LINC00305: variants seen among roughly 807,000 people sequenced by gnomAD.
LINC00305 encodes long intergenic non-protein coding RNA 305.
intron 1 of LINC00305, among the ~76,000 whole-genome samples, chr18:64,137,156 A>T (rs1228844947): frequency 1.3e-5 from 2 of 152,146 alleles, no homozygotes; most frequent in Non-Finnish European, 2.9e-5. Flanking sequence ...ACACAACAAG[A>T]GCACCATGTG....
intron 3 of LINC00305, among the ~76,000 whole-genome samples, chr18:64,082,744 T>C (rs1720128848): frequency 1.3e-5 from 2 of 152,250 alleles, no homozygotes; most frequent in South Asian, 4.1e-4. Context: ...TTTTTTAGTT[T>C]CTCAACACAG....
intron 3 of LINC00305, among the ~76,000 whole-genome samples, chr18:64,081,709 A>T (rs558059664): frequency 6.6e-6 from 1 of 152,344 alleles, no homozygotes; most frequent in East Asian, 1.9e-4. Context: ...TAAGTACTTA[A>T]GAAGTTCAAT....
At chr18:64,118,816 C>T (rs1460966) in intron 1 of LINC00305, among the ~76,000 whole-genome samples, 24,749 of 141,500 alleles carry the variant, frequency 0.17, 2,122 homozygotes, top group African/African-American at 0.22. Flanking sequence ...GATCAAGACC[C>T]TGGGGGTCTG....
intron 1 of LINC00305, among the ~76,000 whole-genome samples, chr18:64,109,827 T>TA (rs954787805): frequency 6.6e-6 from 1 of 152,342 alleles, no homozygotes; most frequent in Admixed American, 6.5e-5. Context: ...ACCTTCAGGC[T>TA]AAAGCACTCA....
At chr18:64,080,895 A>G (rs1252205878) in intron 3 of LINC00305, among the ~76,000 whole-genome samples, 1 of 152,170 alleles carries the variant, frequency 6.6e-6, no homozygotes, top group African/African-American at 2.4e-5. Context: ...TGTCATAACC[A>G]TGAATTATTA....
At chr18:64,090,200 TG>T (rs1161489769) in intron 3 of LINC00305, among the ~76,000 whole-genome samples, 2 of 152,214 alleles carry the variant, frequency 1.3e-5, no homozygotes, top group African/African-American at 4.8e-5. Context: ...AAGCATTAAG[TG>T]AGCTTTTTAG....
chr18:64,136,479 G>A (rs527766408), intron 1 of LINC00305, among the ~76,000 whole-genome samples: 37 of 152,224 alleles, frequency 2.4e-4, no homozygotes, highest in Non-Finnish European at 4.7e-4. Context: ...CCCCTTATAA[G>A]ACCATCAGAT....
rs117345919 is a variant in LINC00305 at position 64,143,642 on chromosome 18, T to C, written n.314+5133A>G. Reference sequence around the variant, plus strand: ...CACATATGTATGTACACGTATTATGTATACATATGTATGTACACGTATTAT... The same window carrying C: ...CACATATGTATGTACACGTATTATGCATACATATGTATGTACACGTATTAT... On this transcript the variant is annotated intron_variant and non_coding_transcript_variant, in intron 1 of 3. Coordinates refer to ENST00000666468, the Ensembl canonical transcript of LINC00305. Among the ~76,000 whole-genome samples the C allele has an allele frequency of 8.2e-4, 99 of 121,440 alleles. 5 individuals carry two copies. Among genetic ancestry groups the C allele is most frequent in the African/African-American group, 1.7e-3 (55 of 32,320 alleles). 79.7% of individuals were successfully genotyped at this position (121,440 alleles called of 152,430 possible).
intron 1 of LINC00305, among the ~76,000 whole-genome samples, chr18:64,130,032 C>T (rs538758305): frequency 6.6e-6 from 1 of 150,768 alleles, no homozygotes; most frequent in Middle Eastern, 3.2e-3. Flanking sequence ...GCACAACGTG[C>T]AGGTTTGTTA....
intron 1 of LINC00305, among the ~76,000 whole-genome samples, chr18:64,115,902 T>C (rs2051335481): frequency 6.6e-6 from 1 of 152,194 alleles, no homozygotes; most frequent in Admixed American, 6.5e-5. Context: ...TATCTCCCAG[T>C]TTCTACGGGA....
intron 1 of LINC00305, among the ~76,000 whole-genome samples, chr18:64,143,591 T>C (rs1487313121): frequency 1.2e-5 from 1 of 84,646 alleles, no homozygotes; most frequent in African/African-American, 6.0e-5. Flanking sequence ...TGTACATATG[T>C]ACACATATGT....
chr18:64,086,875 A>C (rs1216557313), intron 3 of LINC00305, among the ~76,000 whole-genome samples: 1 of 152,234 alleles, frequency 6.6e-6, no homozygotes, highest in Non-Finnish European at 1.5e-5. Context: ...ATAAGGTAGC[A>C]GTATGGCAAG....
chr18:64,147,132 C>T (rs754636611), intron 1 of LINC00305: 9 of 152,166 alleles, frequency 5.9e-5, no homozygotes, highest in Non-Finnish European at 1.2e-4. Context: ...CCCAATGCCA[C>T]ATGAAAATTT....
chr18:64,110,884 C>T (rs530978388), intron 1 of LINC00305, among the ~76,000 whole-genome samples: 52 of 152,294 alleles, frequency 3.4e-4, no homozygotes, highest in Admixed American at 8.5e-4. Context: ...TGTGGATGGA[C>T]GCACTGCTAA....
At chr18:64,088,885 A>G (rs1163404826) in intron 3 of LINC00305, among the ~76,000 whole-genome samples, 1 of 152,184 alleles carries the variant, frequency 6.6e-6, no homozygotes, top group Non-Finnish European at 1.5e-5. Context: ...CAGATAAAAA[A>G]AGGGACAGGA....
intron 1 of LINC00305, among the ~76,000 whole-genome samples, chr18:64,118,598 A>G (rs2051348000): frequency 6.6e-6 from 1 of 152,172 alleles, no homozygotes; most frequent in South Asian, 2.1e-4. Context: ...ATAAAGCTTT[A>G]CGTGGTGACA....
At chr18:64,085,690 A>G (rs972288617) in intron 3 of LINC00305, among the ~76,000 whole-genome samples, 1 of 151,924 alleles carries the variant, frequency 6.6e-6, no homozygotes, top group South Asian at 2.1e-4. Context: ...CGAACTCCCA[A>G]CCTCAAGTGA....
intron 1 of LINC00305, among the ~76,000 whole-genome samples, chr18:64,101,897 G>A (rs148506712): frequency 5.3e-5 from 8 of 151,896 alleles, no homozygotes; most frequent in African/African-American, 1.7e-4. Flanking sequence ...AATGAATATG[G>A]CTGCTTGAAT....
chr18:64,147,826 T>C (rs2051505169), intron 1 of LINC00305, among the ~76,000 whole-genome samples: 3 of 152,162 alleles, frequency 2.0e-5, no homozygotes, highest in Non-Finnish European at 2.9e-5. Flanking sequence ...TTTTCTCATA[T>C]TGGTCAAGGA....
Sources: allele counts gnomAD v4.1 joint callset (sites outside exome capture counted in the v4.1 genomes callset), GRCh38; gene constraint gnomAD v4.1.1; transcripts MANE v1.5; gene names NCBI Gene and HGNC (gene_info 2026-07-23, HGNC 2026-07-21).